Variants in LINGO2 observed in about 807,000 individuals in gnomAD.
LINGO2 encodes leucine rich repeat and Ig domain containing 2.
LINGO2 carries 14 observed loss-of-function variants against 30.6 expected under a neutral mutation model. The ratio of observed to expected loss-of-function variants is 0.46; its 90% CI spans 0.30 to 0.72. The LOEUF is 0.72. LINGO2 is among the 30% of genes least tolerant of loss of function. The pLI, the probability that LINGO2 is intolerant of heterozygous loss-of-function variation, is 0.07. For missense variants in LINGO2, 729 were observed against 751.7 expected (o/e 0.97, Z 0.35); for synonymous variants, 317 against 288.5 (o/e 1.10, Z -1.00).
intron 4 of LINGO2, among the ~76,000 whole-genome samples, chr9:28,077,365 T>C (rs985362273): frequency 5.3e-5 from 8 of 152,164 alleles, no homozygotes; most frequent in Non-Finnish European, 1.0e-4. Context: ...AAGTGAGTCT[T>C]ACAAAAATGT....
chr9:28,434,184 C>T (rs1450905337), intron 2 of LINGO2, among the ~76,000 whole-genome samples: 1 of 151,398 alleles, frequency 6.6e-6, no homozygotes, highest in South Asian at 2.1e-4. Flanking sequence ...ATATAATGGA[C>T]TTTTGGGGAC....
intron 1 of LINGO2, among the ~76,000 whole-genome samples, chr9:28,569,202 G>GT (rs1823548206): frequency 6.6e-6 from 1 of 151,900 alleles, no homozygotes; most frequent in Admixed American, 6.6e-5. Context: ...AAGTAAATTA[G>GT]TACTGCCATT....
chr9:29,039,764 T>C, the LINGO2 span, among the ~76,000 whole-genome samples: 2 of 152,164 alleles, frequency 1.3e-5, no homozygotes, highest in Admixed American at 1.3e-4. Flanking sequence ...ATGGGCTGGC[T>C]GCTGCTGACT....
At chr9:27,994,063 TAAAGA>T (rs1821533155) in intron 5 of LINGO2, among the ~76,000 whole-genome samples, 1 of 151,998 alleles carries the variant, frequency 6.6e-6, no homozygotes, top group African/African-American at 2.4e-5. Flanking sequence ...AATGAGTCAA[TAAAGA>T]AATTAAGAAG....
the LINGO2 span, among the ~76,000 whole-genome samples, chr9:29,200,928 T>C: frequency 1.3e-5 from 2 of 152,020 alleles, no homozygotes; most frequent in Non-Finnish European, 2.9e-5. Context: ...TTTTTCATGA[T>C]TGGACTAAAG....
intron 1 of LINGO2, among the ~76,000 whole-genome samples, chr9:28,518,859 T>A (rs1820726798): frequency 6.6e-6 from 1 of 152,176 alleles, no homozygotes; most frequent in Admixed American, 6.5e-5. Flanking sequence ...AATTCTTAGG[T>A]CCAGCCGGAA....
chr9:27,982,274 A>G (rs1243471734), intron 5 of LINGO2, among the ~76,000 whole-genome samples: 1 of 151,798 alleles, frequency 6.6e-6, no homozygotes, highest in African/African-American at 2.4e-5. Flanking sequence ...TCATAAATAC[A>G]CCACACATAA....
the LINGO2 span, among the ~76,000 whole-genome samples, chr9:28,787,618 G>C: frequency 5.3e-5 from 8 of 152,052 alleles, no homozygotes; most frequent in African/African-American, 1.9e-4. Flanking sequence ...TCTTTTACCC[G>C]GTAGTTCCTT....
chr9:28,611,328 A>G (rs941042877), intron 1 of LINGO2, among the ~76,000 whole-genome samples: 1 of 151,928 alleles, frequency 6.6e-6, no homozygotes, highest in African/African-American at 2.4e-5. Context: ...ATTAACATCC[A>G]TCATCTCACA....
the LINGO2 span, among the ~76,000 whole-genome samples, chr9:28,883,628 G>GTGTGTGTA: frequency 0.01 from 654 of 64,026 alleles, 1 homozygote; most frequent in African/African-American, 0.017. Context: ...ATGTGTGTGT[G>GTGTGTGTA]TATATATATA....
the LINGO2 span, among the ~76,000 whole-genome samples, chr9:29,068,094 T>C: frequency 6.6e-6 from 1 of 151,864 alleles, no homozygotes; most frequent in Non-Finnish European, 1.5e-5. Flanking sequence ...AAGCATTTTA[T>C]TCTCCCTGAC....
At chr9:28,058,929 A>C (rs112275838) in intron 4 of LINGO2, among the ~76,000 whole-genome samples, 1 of 152,274 alleles carries the variant, frequency 6.6e-6, no homozygotes, top group Non-Finnish European at 1.5e-5. Flanking sequence ...ATAAGTAAAC[A>C]ATTATATATA....
intron 5 of LINGO2, among the ~76,000 whole-genome samples, chr9:27,987,552 T>A (rs1273365093): frequency 1.1e-4 from 16 of 151,906 alleles, no homozygotes; most frequent in Non-Finnish European, 2.2e-4. Flanking sequence ...TTAGATTAAA[T>A]AAACAAGATA....
chr9:28,214,626 G>A (rs539419829), intron 4 of LINGO2, among the ~76,000 whole-genome samples: 17 of 151,606 alleles, frequency 1.1e-4, no homozygotes, highest in African/African-American at 4.1e-4. Context: ...GCCCACAGAG[G>A]TATAGCTCTA....
chr9:28,557,183 A>G (rs1822758782), intron 1 of LINGO2, among the ~76,000 whole-genome samples: 3 of 152,126 alleles, frequency 2.0e-5, no homozygotes, highest in African/African-American at 7.2e-5. Context: ...GCACAGCAAA[A>G]GAAATTACCA....
intron 4 of LINGO2, among the ~76,000 whole-genome samples, chr9:28,256,216 T>C (rs1212491792): frequency 6.6e-6 from 1 of 152,056 alleles, no homozygotes; most frequent in Admixed American, 6.6e-5. Flanking sequence ...TTTTATTTCC[T>C]TAATGCTCAT....
At chr9:28,361,560 A>G (rs1368663692) in intron 3 of LINGO2, among the ~76,000 whole-genome samples, 1 of 152,072 alleles carries the variant, frequency 6.6e-6, no homozygotes, top group Admixed American at 6.6e-5. Context: ...ACCAGATCAC[A>G]CAATTCCCTA....
At chr9:28,211,068 T>G (rs936630941) in intron 4 of LINGO2, among the ~76,000 whole-genome samples, 1 of 151,608 alleles carries the variant, frequency 6.6e-6, no homozygotes, top group African/African-American at 2.4e-5. Context: ...CTCTTAATTC[T>G]GTTCTAAATC....
At chr9:27,990,169 T>G (rs1422401094) in intron 5 of LINGO2, among the ~76,000 whole-genome samples, 1 of 152,070 alleles carries the variant, frequency 6.6e-6, no homozygotes, top group Non-Finnish European at 1.5e-5. Context: ...GGCTGAGTCT[T>G]ATGAAATTGC....
Sources: allele counts gnomAD v4.1 joint callset (sites outside exome capture counted in the v4.1 genomes callset), GRCh38; gene constraint gnomAD v4.1.1; transcripts MANE v1.5; gene names NCBI Gene and HGNC (gene_info 2026-07-23, HGNC 2026-07-21).